The following ARFIP1 variants were observed in gnomAD, a reference collection of about 807,000 sequenced individuals.
The protein encoded by ARFIP1 is ARF interacting protein 1.
ARFIP1 carries 24 observed loss-of-function variants against 42.5 expected under a neutral mutation model. The observed-to-expected ratio is 0.57, with a 90% CI of 0.41 to 0.80. The LOEUF (loss-of-function observed/expected upper bound fraction) is 0.80, where lower values mean the gene tolerates loss of function less well. Ranked by LOEUF, ARFIP1 falls within the 30% of genes least tolerant of loss-of-function variation. The probability of loss-of-function intolerance (pLI) is 0.00; values close to 1 mark genes in which losing one functional copy is unlikely to be tolerated. For missense variants in ARFIP1, 354 were observed against 434.0 expected (o/e 0.82, Z 1.64); for synonymous variants, 141 against 153.7 (o/e 0.92, Z 0.61).
intron 1 of ARFIP1, among the ~76,000 whole-genome samples, chr4:152,815,533 T>C (rs1729796592): frequency 6.6e-6 from 1 of 152,200 alleles, no homozygotes; most frequent in African/African-American, 2.4e-5. Flanking sequence ...TTGTAAACTT[T>C]GATATGTCCT....
intron 8 of ARFIP1, among the ~76,000 whole-genome samples, chr4:152,894,117 A>T (rs1196841735): frequency 6.6e-6 from 1 of 151,634 alleles, no homozygotes; most frequent in African/African-American, 2.4e-5. Context: ...CTGAGGCAGG[A>T]GAATCATTTG....
chr4:152,794,451 C>T (rs1243570332), intron 1 of ARFIP1, among the ~76,000 whole-genome samples: 3 of 152,104 alleles, frequency 2.0e-5, no homozygotes, highest in Non-Finnish European at 4.4e-5. Context: ...GATGTTGTGT[C>T]TTTCTTAGTG....
At chr4:152,813,929 C>T (rs577470723) in intron 1 of ARFIP1, among the ~76,000 whole-genome samples, 1 of 152,106 alleles carries the variant, frequency 6.6e-6, no homozygotes, top group Non-Finnish European at 1.5e-5. Flanking sequence ...ACCTTTCTCT[C>T]TGATTTCATT....
chr4:152,849,062 ACT>A (rs375877940), intron 2 of ARFIP1, among the ~76,000 whole-genome samples: 101 of 152,292 alleles, frequency 6.6e-4, no homozygotes, highest in African/African-American at 2.3e-3. Context: ...TCATTTTAAT[ACT>A]GTTTGCTTTT....
In ARFIP1 at chr4:152,886,900, C is replaced by G. The variant is rs531799320; in HGVS notation, c.792-1233C>G. Among the ~76,000 whole-genome samples, 4 of 152,028 alleles carry G rather than the reference C, an allele frequency of 2.6e-5. No homozygotes were observed. In the South Asian group the frequency reaches 6.2e-4, roughly 24 times the overall value. ...AGGCCAATTAAATTAAATCTTAACT[C>G]ATACTGCTAAATTCAGTATGAGTTA... On this transcript the variant is annotated intron_variant, in intron 7 of 8. Transcript: ENST00000353617.
At chr4:152,818,467 C>T (rs1321692611) in intron 1 of ARFIP1, among the ~76,000 whole-genome samples, 8 of 152,162 alleles carry the variant, frequency 5.3e-5, no homozygotes, top group Admixed American at 3.3e-4. Flanking sequence ...CCAGCAGGGA[C>T]GGAGGGAAGC....
At chr4:152,824,330 A>C (rs1467170050) in intron 1 of ARFIP1, among the ~76,000 whole-genome samples, 1 of 152,102 alleles carries the variant, frequency 6.6e-6, no homozygotes, top group Admixed American at 6.5e-5. Context: ...AAAAAAGTAA[A>C]AAGGTAATTC....
At chr4:152,856,952 A>C (rs530064225) in intron 2 of ARFIP1, among the ~76,000 whole-genome samples, 2 of 152,354 alleles carry the variant, frequency 1.3e-5, no homozygotes, top group African/African-American at 4.8e-5. Flanking sequence ...ATAAATATGA[A>C]TGAAAGGAAT....
At chr4:152,873,223 A>T (rs574651794) in intron 5 of ARFIP1, among the ~76,000 whole-genome samples, 3 of 152,346 alleles carry the variant, frequency 2.0e-5, no homozygotes, top group African/African-American at 7.2e-5. Context: ...TGAAAGCCCT[A>T]GCAGCTCAGG....
chr4:152,881,158 C>T lies in ARFIP1; in HGVS notation c.607C>T (p.Leu203=), dbSNP rs766723304. The change falls in exon 6 of 9, where the codon CTG becomes TTG. Residue 203 remains leucine (L), a synonymous_variant. Coordinates refer to ENST00000353617, the MANE Select transcript of ARFIP1 (RefSeq NM_001025595.3). ...QRQLGDAFAD[L]SLKSLELHEE... ...GCAACTTGGAGATGCATTTGCTGAC[C>T]TGAGTTTGAAGTCACTAGAACTTCA... 5.0e-6 allele frequency: 8 copies of T among 1,612,926 alleles called. No homozygotes were observed. In the South Asian group the frequency reaches 8.8e-5, roughly 18 times the overall value.
intron 1 of ARFIP1, chr4:152,796,591 T>C: frequency 1.2e-6 from 1 of 854,280 alleles, no homozygotes; most frequent in Non-Finnish European, 2.0e-6. Context: ...TACTGCTCCC[T>C]GTGGAATCTT....
intron 3 of ARFIP1, among the ~76,000 whole-genome samples, chr4:152,866,915 CG>C (rs1734432665): frequency 6.6e-6 from 1 of 151,442 alleles, no homozygotes; most frequent in East Asian, 2.0e-4. Flanking sequence ...CGGGCAGAGA[CG>C]CTCCTCACTT....
At chr4:152,881,248 T>C (rs1430511450) in intron 6 of ARFIP1, 64 bp downstream of exon 6, 1 of 1,259,282 alleles carries the variant, frequency 7.9e-7, no homozygotes, top group Middle Eastern at 1.9e-4. Context: ...TTCTAAGAGG[T>C]AATTTGTTAT....
chr4:152,886,413 T>C (rs750264417), intron 7 of ARFIP1, among the ~76,000 whole-genome samples: 2 of 152,020 alleles, frequency 1.3e-5, no homozygotes, highest in Non-Finnish European at 2.9e-5. Flanking sequence ...TCCATTGTCA[T>C]GTTCCAGCTT....
Position 152,877,135 on chromosome 4 carries a change from A to G in ARFIP1, c.412-3828A>G, listed in dbSNP as rs542489941. On this transcript the variant is annotated intron_variant, in intron 5 of 8. Transcript: ENST00000353617. ...CTAGTGGAGCTATGAGAAGAGGGCCACCATCCTGCAGACCCCTGAATGGTA... is the reference window on the plus strand; with the variant it reads ...CTAGTGGAGCTATGAGAAGAGGGCCGCCATCCTGCAGACCCCTGAATGGTA... Among the ~76,000 whole-genome samples the G allele has an allele frequency of 2.3e-4, 35 of 152,294 alleles. No homozygotes were observed. In the South Asian group the frequency reaches 6.6e-3, roughly 29 times the overall value.
At chr4:152,884,709 G>GAGGTTA (rs767834718) in intron 7 of ARFIP1, among the ~76,000 whole-genome samples, 6 of 151,972 alleles carry the variant, frequency 3.9e-5, no homozygotes, top group Non-Finnish European at 8.8e-5. Flanking sequence ...AAACACTCTA[G>GAGGTTA]AGGTTAAATG....
chr4:152,822,719 A>G (rs184072435), intron 1 of ARFIP1, among the ~76,000 whole-genome samples: 3 of 152,356 alleles, frequency 2.0e-5, no homozygotes, highest in Admixed American at 6.5e-5. Context: ...GTATCTTCTC[A>G]GATCACAGCA....
rs1175721577 is a variant in ARFIP1, at chr4:152,910,142, G to GA, written c.1047dup (p.Gln350ThrfsTer4). The stretch of plus-strand genomic sequence containing the variant: ...CTTTGCTGGGAATCAGAAGCAGCTT[G>GA]AACAGACACTTAAACAGTTCCATAT... On this transcript the variant is annotated frameshift_variant, in exon 9 of 9. Transcript: ENST00000353617. LOFTEE classifies it high-confidence loss of function. 6 of 1,614,044 alleles carry GA rather than the reference G, an allele frequency of 3.7e-6. No homozygotes were observed. In the South Asian group the frequency reaches 4.4e-5, roughly 12 times the overall value.
At chr4:152,803,181 AGCCACGTTATCAC>A (rs1220704859) in intron 1 of ARFIP1, among the ~76,000 whole-genome samples, 1 of 152,118 alleles carries the variant, frequency 6.6e-6, no homozygotes, top group Non-Finnish European at 1.5e-5. Context: ...CAGTTTTATG[AGCCACGTTATCAC>A]GATTGTAGTA....
Sources: gnomAD v4.1 joint callset for allele counts (sites outside exome capture counted in the v4.1 genomes callset) on GRCh38, gnomAD v4.1.1 for gene constraint, MANE v1.5 for transcripts, NCBI Gene and HGNC (gene_info 2026-07-23, HGNC 2026-07-21) for gene names.